The following NECTIN3 variants were observed in gnomAD, a reference collection of about 807,000 sequenced individuals.
NECTIN3 encodes nectin-3.
Under a neutral mutation model 49.4 loss-of-function variants are expected in NECTIN3, and 8 were observed. That is an observed-to-expected ratio of 0.16 (90% CI 0.10 to 0.29). The LOEUF (loss-of-function observed/expected upper bound fraction) is 0.29. Ranked by LOEUF, NECTIN3 falls within the 10% of genes least tolerant of loss-of-function variation. The pLI is 1.00. For missense variants in NECTIN3, 581 were observed against 654.6 expected, an observed-to-expected ratio of 0.89 and a Z score of 1.23; for synonymous variants, 277 against 241.1, an observed-to-expected ratio of 1.15 and a Z score of -1.38.
intron 1 of NECTIN3, among the ~76,000 whole-genome samples, chr3:111,109,870 T>C (rs923823649): frequency 6.6e-6 from 1 of 152,064 alleles, no homozygotes. Flanking sequence ...AGAATTGACA[T>C]GTAAATAAGT....
At chr3:111,108,090 A>C (rs192685838) in intron 1 of NECTIN3, among the ~76,000 whole-genome samples, 77 of 152,316 alleles carry the variant, frequency 5.1e-4, no homozygotes, top group Admixed American at 2.0e-3. Flanking sequence ...CTCAGAATAC[A>C]GAAAAATTAG....
At chr3:111,123,699 A>G (rs554066958) in intron 4 of NECTIN3, among the ~76,000 whole-genome samples, 3 of 151,756 alleles carry the variant, frequency 2.0e-5, no homozygotes, top group Admixed American at 6.6e-5. Flanking sequence ...AGTGAGTTGA[A>G]CTCCAAATTT....
rs534334093 is a variant in NECTIN3 at position 111,135,807 on chromosome 3, A to G, written c.*1592A>G. 3.8e-5 allele frequency: 36 copies of G among 943,270 alleles called. No individual in the cohort carries two copies. In the South Asian group the frequency reaches 1.3e-3, roughly 35 times the overall value. The allele number at this position is 943,270 out of a possible 1,614,324, so 58.4% of individuals were successfully genotyped here. A position where few individuals can be genotyped will look rare whatever the true frequency, so the allele number is the denominator to read the frequency against. The stretch of plus-strand genomic sequence containing the variant: ...TGAAAGCTTTATTCTGAAGGATTAT[A>G]AACTAGTTTTCTTCATTTTAACTAG... On this transcript the variant is annotated 3_prime_UTR_variant, in exon 6 of 6. Coordinates refer to ENST00000485303, the MANE Select transcript of NECTIN3 (RefSeq NM_015480.3).
chr3:111,161,600 T>A (rs537025228), intron 7 of NECTIN3, among the ~76,000 whole-genome samples: 1 of 152,208 alleles, frequency 6.6e-6, no homozygotes, highest in African/African-American at 2.4e-5. Context: ...GGCATTAGAT[T>A]CTCATAGGAG....
At chr3:111,073,728 T>G (rs539882930) in intron 1 of NECTIN3, among the ~76,000 whole-genome samples, 48 of 152,298 alleles carry the variant, frequency 3.2e-4, no homozygotes, top group African/African-American at 1.1e-3. Context: ...TGTTAAGGAC[T>G]GAGAGAATAT....
At chr3:111,154,806 C>G (rs2035066193) in intron 7 of NECTIN3, among the ~76,000 whole-genome samples, 1 of 152,034 alleles carries the variant, frequency 6.6e-6, no homozygotes, top group African/African-American at 2.4e-5. Context: ...AATATCTGTT[C>G]AGATTTTTCA....
chr3:111,167,981 G>C (rs1441990863), intron 7 of NECTIN3, among the ~76,000 whole-genome samples: 1 of 151,936 alleles, frequency 6.6e-6, no homozygotes, highest in Admixed American at 6.6e-5. Flanking sequence ...TTTTATTTCA[G>C]ACTTCAGAAT....
chr3:111,133,696 C>G lies in NECTIN3; in HGVS notation c.1131C>G (p.Ile377Met). The part of the protein sequence containing the change: ...TIQWHPSTAD[I>M]EDLATEPKKL... ...AGTGGCATCCCTCAACTGCTGACATCGAGGATCTAGCAACAGAACCTAAAA... is the reference window on the plus strand; with the variant it reads ...AGTGGCATCCCTCAACTGCTGACATGGAGGATCTAGCAACAGAACCTAAAA... Residue 377 changes from isoleucine to methionine, a missense_variant, in exon 6 of 6, where the codon ATC (isoleucine) becomes ATG (methionine). Ile to Met is a conservative substitution (Grantham distance 10). Around this residue, in one of 3 missense-constraint regions of NECTIN3, gnomAD observed 238 missense variants for 244.9 expected, o/e 0.97. Transcript: ENST00000485303. 2 of 1,613,826 alleles carry G rather than the reference C, an allele frequency of 1.2e-6. No individual in the cohort carries two copies. The highest frequency in any genetic ancestry group is 8.5e-7 in the Non-Finnish European group (1 of 1,179,832).
intron 5 of NECTIN3, among the ~76,000 whole-genome samples, chr3:111,131,496 A>G (rs1000364690): frequency 6.6e-6 from 1 of 151,986 alleles, no homozygotes; most frequent in Non-Finnish European, 1.5e-5. Context: ...GAAGTATTAA[A>G]TGGCCTCTCT....
At chr3:111,139,791 A>G (rs2034694385), downstream of NECTIN3, among the ~76,000 whole-genome samples, 1 of 151,758 alleles carries the variant, frequency 6.6e-6, no homozygotes, top group South Asian at 2.1e-4. Flanking sequence ...CTGTACTCCT[A>G]TTATACATGT....
At chr3:111,174,876 G>T (rs1160179494) in intron 7 of NECTIN3, among the ~76,000 whole-genome samples, 1 of 152,174 alleles carries the variant, frequency 6.6e-6, no homozygotes, top group African/African-American at 2.4e-5. Context: ...AAGGGCAGAA[G>T]GCCAGTGTGA....
chr3:111,142,920 C>T (rs1286957809), intron 5 of NECTIN3, among the ~76,000 whole-genome samples: 1 of 151,748 alleles, frequency 6.6e-6, no homozygotes, highest in Non-Finnish European at 1.5e-5. Flanking sequence ...GAGAGGAAGA[C>T]CTTTAGAATA....
At chr3:111,166,320 A>G (rs978867127) in intron 7 of NECTIN3, among the ~76,000 whole-genome samples, 1 of 152,172 alleles carries the variant, frequency 6.6e-6, no homozygotes, top group African/African-American at 2.4e-5. Context: ...GTACCTAGAA[A>G]GAGGGGAACA....
At chr3:111,147,487 A>G (rs1210399221) in intron 7 of NECTIN3, 17 of 1,495,742 alleles carry the variant, frequency 1.1e-5, no homozygotes, top group Non-Finnish European at 4.5e-6. Context: ...TATTTCAGGT[A>G]TGTGTTCATG....
chr3:111,185,325 C>T (rs995145163), intron 7 of NECTIN3, among the ~76,000 whole-genome samples: 1 of 151,782 alleles, frequency 6.6e-6, no homozygotes, highest in Non-Finnish European at 1.5e-5. Flanking sequence ...TGTGTGTGTG[C>T]GAGTGTGTGT....
At chr3:111,162,716 G>A (rs188862799) in intron 7 of NECTIN3, among the ~76,000 whole-genome samples, 1 of 152,144 alleles carries the variant, frequency 6.6e-6, no homozygotes, top group East Asian at 1.9e-4. Context: ...ATATAATAAG[G>A]ATTCCCTTTC....
chr3:111,192,098 C>G (rs1217105929), upstream of NECTIN3, among the ~76,000 whole-genome samples: 2 of 152,142 alleles, frequency 1.3e-5, no homozygotes, highest in Admixed American at 1.3e-4. Flanking sequence ...TCCCAAAGTG[C>G]TAGGATTACA....
At chr3:111,177,713 C>G (rs1318451285) in intron 7 of NECTIN3, among the ~76,000 whole-genome samples, 1 of 152,110 alleles carries the variant, frequency 6.6e-6, no homozygotes, top group African/African-American at 2.4e-5. Flanking sequence ...ATTAGGGCAT[C>G]GCATTGAAAA....
intron 7 of NECTIN3, among the ~76,000 whole-genome samples, chr3:111,166,178 AAAGG>A (rs2035315728): frequency 6.6e-6 from 1 of 152,216 alleles, no homozygotes; most frequent in African/African-American, 2.4e-5. Context: ...CAGAATGGGC[AAAGG>A]AAGGCTGGAG....
Sources: gnomAD v4.1 joint callset for allele counts (sites outside exome capture counted in the v4.1 genomes callset) on GRCh38, gnomAD v4.1.1 for gene constraint, gnomAD v4.1.1 regional missense constraint, MANE v1.5 for transcripts, NCBI Gene and HGNC (gene_info 2026-07-23, HGNC 2026-07-21) for gene names.